Variants in TRIM9 observed in about 807,000 individuals in gnomAD.
The protein encoded by TRIM9 is tripartite motif containing 9.
A neutral mutation model predicts 78.3 loss-of-function variants in TRIM9; 26 were observed. That is an observed-to-expected ratio of 0.33 (90% CI 0.24 to 0.46). The LOEUF (loss-of-function observed/expected upper bound fraction) is 0.46. Among genes scored for constraint, TRIM9 ranks in the 20% least tolerant of loss-of-function variants. The pLI is 1.00. For missense variants in TRIM9, 787 were observed against 1,036.4 expected (o/e 0.76, Z 3.30); for synonymous variants, 398 against 416.5 (o/e 0.96, Z 0.54).
chr14:50,977,003 A>G lies in TRIM9; in HGVS notation c.*288T>C, dbSNP rs190382159. On this transcript the variant is annotated 3_prime_UTR_variant, in exon 13 of 13. Coordinates refer to ENST00000684578, the MANE Select transcript of TRIM9 (RefSeq NM_001387360.1). ...CTCACCTACATAAAAAATTAAGTTA[A>G]ATAAAAGCAAAATCTGGGAGTGGGA... The G allele has an allele frequency of 1.1e-4, 32 of 283,802 alleles. No individual in the cohort carries two copies. The highest frequency in any genetic ancestry group is 2.0e-4 in the Non-Finnish European group (30 of 153,332). 17.6% of individuals were successfully genotyped at this position (283,802 alleles called of 1,614,324 possible). A position where few individuals can be genotyped will look rare whatever the true frequency, so the allele number is the denominator to read the frequency against.
At chr14:51,033,343 G>A (rs1224262182) in intron 1 of TRIM9, among the ~76,000 whole-genome samples, 2 of 152,136 alleles carry the variant, frequency 1.3e-5, no homozygotes, top group African/African-American at 4.8e-5. Context: ...TACCTGCCTC[G>A]GCCTCCCAAA....
chr14:51,046,900 T>C (rs1176075896), intron 1 of TRIM9, among the ~76,000 whole-genome samples: 2 of 152,258 alleles, frequency 1.3e-5, no homozygotes, highest in African/African-American at 2.4e-5. Flanking sequence ...AGGAAAACCG[T>C]TGGCTCTTAT....
chr14:51,025,698 TA>T (rs1263563977), intron 1 of TRIM9, among the ~76,000 whole-genome samples: 2 of 152,110 alleles, frequency 1.3e-5, no homozygotes, highest in African/African-American at 4.8e-5. Context: ...CAAAACAAAA[TA>T]GTGAGTCAGA....
At chr14:51,088,991 A>G (rs1377004904) in intron 1 of TRIM9, 1 of 147,590 alleles carries the variant, frequency 6.8e-6, no homozygotes, top group Non-Finnish European at 1.5e-5. Flanking sequence ...AAGCAAAGAA[A>G]AAAAAAAAAA....
At chr14:51,077,893 T>C in intron 1 of TRIM9, among the ~76,000 whole-genome samples, 1 of 152,240 alleles carries the variant, frequency 6.6e-6, no homozygotes, top group East Asian at 1.9e-4. Flanking sequence ...TCACACACCA[T>C]TATCTGTGTA....
chr14:51,024,226 C>T (rs35809678), intron 2 of TRIM9, among the ~76,000 whole-genome samples: 9,384 of 152,090 alleles, frequency 0.062, 405 homozygotes, highest in East Asian at 0.17. Context: ...TGAAGAGGCC[C>T]GGGCAGAGGC....
chr14:50,979,076 T>C (rs2051451518), intron 12 of TRIM9: 2 of 1,331,516 alleles, frequency 1.5e-6, no homozygotes, highest in Non-Finnish European at 1.9e-6. Context: ...TGCCAGTTGG[T>C]TAAAGGCTTT....
chr14:50,997,183 G>T lies in TRIM9; in HGVS notation c.1603+867C>A, dbSNP rs903664526. On this transcript the variant is annotated intron_variant, in intron 7 of 12. Transcript: ENST00000684578. ...ACCAGCCACAAATACCTCCTTGTAG[G>T]TTTAATTTCATGTGTCTTGCTTACT... The T allele has an allele frequency of 5.1e-6, 5 of 985,206 alleles. No homozygotes were observed. The African/African-American group carries it at 8.7e-5, about 17-fold the overall frequency. 61.0% of individuals were successfully genotyped at this position (985,206 alleles called of 1,614,324 possible).
Position 51,045,825 on chromosome 14 carries a change from G to T in TRIM9, c.823-20465C>A, listed in dbSNP as rs375580552. ...CACCTTTCTTTGGTCATTAAAGACA[G>T]ACCTCAATTCAAGTGCAAAGAAGCA... On this transcript the variant is annotated intron_variant, in intron 1 of 12. Coordinates refer to ENST00000684578, the MANE Select transcript of TRIM9 (RefSeq NM_001387360.1). 4.6e-5 allele frequency among the ~76,000 whole-genome samples: 7 copies of T among 152,058 alleles called. No individual in the cohort carries two copies. The East Asian group carries it at 1.3e-3, about 29-fold the overall frequency.
At chr14:50,982,619 A>AAGCT (rs1475435601) in intron 10 of TRIM9, 1 of 377,254 alleles carries the variant, frequency 2.7e-6, no homozygotes, top group Non-Finnish European at 4.8e-6. Flanking sequence ...ACAAGCTGCG[A>AAGCT]AGCTATAAGC....
chr14:51,056,763 G>A (rs921235169), intron 1 of TRIM9, among the ~76,000 whole-genome samples: 1 of 152,280 alleles, frequency 6.6e-6, no homozygotes, highest in Non-Finnish European at 1.5e-5. Context: ...TGATATTTCT[G>A]TCTGACAGTT....
rs146912763 is a variant in TRIM9, at chr14:51,077,386, G to GTTTTT, written c.822+16727_822+16731dup. On this transcript the variant is annotated intron_variant, in intron 1 of 12. Transcript: ENST00000684578. Reference sequence around the variant, plus strand: ...GGCCCTCAGTCTCATCTCCAATTCTGTTTTTTTTTTTTTTTTTTTTTTTTG... The same window carrying GTTTTT: ...GGCCCTCAGTCTCATCTCCAATTCTGTTTTTTTTTTTTTTTTTTTTTTTTTTTTTG... Among the ~76,000 whole-genome samples, 317 of 97,696 alleles carry GTTTTT rather than the reference G, an allele frequency of 3.2e-3. 16 individuals carry two copies. The highest frequency in any genetic ancestry group is 9.0e-3 in the East Asian group (22 of 2,432). 64.1% of individuals were successfully genotyped at this position (97,696 alleles called of 152,430 possible). A position where few individuals can be genotyped will look rare whatever the true frequency, so the allele number is the denominator to read the frequency against.
At chr14:51,020,656 T>G (rs2057671573) in intron 3 of TRIM9, among the ~76,000 whole-genome samples, 1 of 152,262 alleles carries the variant, frequency 6.6e-6, no homozygotes, top group African/African-American at 2.4e-5. Flanking sequence ...AAGCCATTCC[T>G]GGGCAATGAC....
Position 50,979,487 on chromosome 14 carries a change from T to C in TRIM9, c.2225A>G (p.Asn742Ser), listed in dbSNP as rs1192165761. The C allele has an allele frequency of 6.8e-6, 11 of 1,614,020 alleles. No homozygotes were observed. Among genetic ancestry groups the C allele is most frequent in the Admixed American group, 5.0e-5 (3 of 59,998 alleles). ...TTCATCGTTGATAAAAAATGTCAAG[T>C]TTTTTCTATTTAAGTCGAGGAGGAC... ...IGVLLDLNRK[N>S]LTFFINDEQQ... The change falls in exon 12 of 13, where the codon AAC (asparagine) becomes AGC (serine). Residue 742 changes from asparagine to serine, a missense_variant. Around this residue, in one of 3 missense-constraint regions of TRIM9, gnomAD observed 421 missense variants for 514.3 expected, o/e 0.82. Coordinates refer to ENST00000684578, the MANE Select transcript of TRIM9 (RefSeq NM_001387360.1).
rs189443999 is a variant in TRIM9, at chr14:51,002,276, C to A, written c.1307-1436G>T. On this transcript the variant is annotated intron_variant, in intron 5 of 12. Coordinates refer to ENST00000684578, the MANE Select transcript of TRIM9 (RefSeq NM_001387360.1). ...AGCTGGGACTACAGGCCCCTGCCAC[C>A]ACGGCTGGCTGATTTTTTTTTTTTC... Among the ~76,000 whole-genome samples the A allele has an allele frequency of 8.9e-4, 131 of 146,546 alleles. 1 individual carries two copies. The highest frequency in any genetic ancestry group is 3.2e-3 in the African/African-American group (128 of 40,354).
intron 6 of TRIM9, among the ~76,000 whole-genome samples, chr14:50,998,550 T>A (rs2054528745): frequency 6.6e-6 from 1 of 152,202 alleles, no homozygotes; most frequent in Non-Finnish European, 1.5e-5. Context: ...CTTATTAACT[T>A]GGGATTGGTA....
intron 1 of TRIM9, among the ~76,000 whole-genome samples, chr14:51,039,973 C>T (rs1231812944): frequency 1.3e-5 from 2 of 152,032 alleles, no homozygotes; most frequent in East Asian, 3.9e-4. Context: ...TTAGTAAACA[C>T]GGGGTTTCAC....
chr14:51,017,810 G>A (rs960069081), intron 3 of TRIM9, among the ~76,000 whole-genome samples: 10 of 152,294 alleles, frequency 6.6e-5, no homozygotes, highest in East Asian at 5.8e-4. Flanking sequence ...TGAGTGGGGG[G>A]GCTGTTCAGG....
intron 6 of TRIM9, among the ~76,000 whole-genome samples, chr14:51,000,453 T>G (rs2054827463): frequency 6.6e-6 from 1 of 152,204 alleles, no homozygotes; most frequent in Admixed American, 6.5e-5. Context: ...GCAGTCTGAC[T>G]CCAGTACTGC....
Sources: gnomAD v4.1 joint callset for allele counts (sites outside exome capture counted in the v4.1 genomes callset) on GRCh38, gnomAD v4.1.1 for gene constraint, gnomAD v4.1.1 regional missense constraint, MANE v1.5 for transcripts, NCBI Gene and HGNC (gene_info 2026-07-23, HGNC 2026-07-21) for gene names.